ESRRG: variants seen among roughly 807,000 people sequenced by gnomAD.
ESRRG encodes the protein estrogen related receptor gamma, also known as estrogen-related receptor gamma.
Under a neutral mutation model 44.0 loss-of-function variants are expected in ESRRG, and 13 were observed. The observed-to-expected ratio is 0.30, with a 90% CI of 0.19 to 0.47. The LOEUF (loss-of-function observed/expected upper bound fraction) is 0.47. Among genes scored for constraint, ESRRG ranks in the 20% least tolerant of loss-of-function variants. The pLI, the probability that ESRRG is intolerant of heterozygous loss-of-function variation, is 1.00. For synonymous variants in ESRRG, 215 were observed against 214.6 expected (o/e 1.00, Z -0.02); for missense variants, 395 against 580.6 (o/e 0.68, Z 3.29).
intron 5 of ESRRG, among the ~76,000 whole-genome samples, chr1:216,522,255 CTTTTTTTTTTTTTTTT>C (rs71161437): frequency 3.4e-5 from 1 of 29,262 alleles, no homozygotes. Flanking sequence ...AACAGCTCTC[CTTTTTTTTTTTTTTTT>C]TTTTTTTTTT....
intron 2 of ESRRG, among the ~76,000 whole-genome samples, chr1:216,735,885 C>T (rs113095333): frequency 0.081 from 12,103 of 149,820 alleles, 670 homozygotes; most frequent in African/African-American, 0.15. Flanking sequence ...AGGCTGAGGC[C>T]GAGAATTGCT....
intron 2 of ESRRG, among the ~76,000 whole-genome samples, chr1:216,915,194 C>T (rs2060992113): frequency 6.6e-6 from 1 of 152,138 alleles, no homozygotes; most frequent in Non-Finnish European, 1.5e-5. Flanking sequence ...TCTGTGGTTA[C>T]TAGTTACCCA....
chr1:216,576,810 C>G (rs995436169), intron 3 of ESRRG, among the ~76,000 whole-genome samples: 3 of 152,078 alleles, frequency 2.0e-5, no homozygotes, highest in Admixed American at 6.6e-5. Context: ...ATGACACATA[C>G]AAGTACAAAT....
intron 2 of ESRRG, among the ~76,000 whole-genome samples, chr1:216,928,718 C>A (rs986727353): frequency 6.6e-6 from 1 of 152,026 alleles, no homozygotes; most frequent in African/African-American, 2.4e-5. Context: ...TATTAATCAA[C>A]AAACAAATGG....
chr1:216,591,940 G>A (rs116824349), intron 3 of ESRRG, among the ~76,000 whole-genome samples: 13 of 152,322 alleles, frequency 8.5e-5, no homozygotes, highest in Non-Finnish European at 1.5e-4. Context: ...GGGGGAAAGA[G>A]CAACTTTATA....
intron 6 of ESRRG, among the ~76,000 whole-genome samples, chr1:216,512,995 G>C (rs2043160499): frequency 6.6e-6 from 1 of 152,178 alleles, no homozygotes; most frequent in Admixed American, 6.5e-5. Context: ...TTCTTCCCTA[G>C]AGTCTCCAGA....
At chr1:216,754,013 C>T (rs571697614) in intron 2 of ESRRG, among the ~76,000 whole-genome samples, 2 of 152,032 alleles carry the variant, frequency 1.3e-5, no homozygotes, top group African/African-American at 4.8e-5. Context: ...TTTGGTTATC[C>T]TACCATTGCT....
intron 3 of ESRRG, among the ~76,000 whole-genome samples, chr1:216,588,512 A>G (rs1044174663): frequency 2.6e-5 from 4 of 152,192 alleles, no homozygotes; most frequent in Admixed American, 2.0e-4. Flanking sequence ...CAGCATTTCA[A>G]AGACTTTGGA....
intron 2 of ESRRG, among the ~76,000 whole-genome samples, chr1:216,752,814 T>G (rs1290956951): frequency 6.6e-6 from 1 of 152,122 alleles, no homozygotes; most frequent in Non-Finnish European, 1.5e-5. Flanking sequence ...TAGTTAACTT[T>G]ACTGTACTTC....
chr1:216,844,820 C>CCA (rs140528031), intron 2 of ESRRG, among the ~76,000 whole-genome samples: 3 of 151,648 alleles, frequency 2.0e-5, no homozygotes, highest in Non-Finnish European at 4.4e-5. Context: ...AATATATGCA[C>CCA]CACACACACA....
intron 5 of ESRRG, among the ~76,000 whole-genome samples, chr1:216,549,872 T>C (rs1331340223): frequency 1.3e-5 from 2 of 152,148 alleles, no homozygotes; most frequent in Non-Finnish European, 2.9e-5. Flanking sequence ...TTTACACTTG[T>C]AAGTTCATTT....
At chr1:216,577,562 G>T (rs774815968) in intron 3 of ESRRG, among the ~76,000 whole-genome samples, 9 of 151,870 alleles carry the variant, frequency 5.9e-5, no homozygotes, top group African/African-American at 1.2e-4. Context: ...GCACCCCATG[G>T]GGATGCTCTG....
chr1:216,884,515 G>A (rs1242144756), intron 2 of ESRRG, among the ~76,000 whole-genome samples: 2 of 152,162 alleles, frequency 1.3e-5, no homozygotes, highest in Admixed American at 6.5e-5. Flanking sequence ...GTGGGTTCAA[G>A]GTTTAGAATA....
intron 1 of ESRRG, among the ~76,000 whole-genome samples, chr1:217,065,945 T>A (rs148016560): frequency 9.1e-4 from 139 of 152,300 alleles, no homozygotes; most frequent in African/African-American, 3.2e-3. Context: ...CCTTACATTT[T>A]CTATCAGGAG....
chr1:216,845,869 T>C (rs2095737751), intron 2 of ESRRG, among the ~76,000 whole-genome samples: 1 of 152,064 alleles, frequency 6.6e-6, no homozygotes, highest in Non-Finnish European at 1.5e-5. Context: ...GGAAGAGTGA[T>C]ACACCCTCCA....
chr1:216,883,722 G>C (rs1050431611), intron 2 of ESRRG, among the ~76,000 whole-genome samples: 1 of 152,114 alleles, frequency 6.6e-6, no homozygotes, highest in Non-Finnish European at 1.5e-5. Context: ...ACCCCCTAAT[G>C]GTAGCACCAC....
intron 2 of ESRRG, among the ~76,000 whole-genome samples, chr1:216,663,734 C>T (rs1007609067): frequency 2.6e-5 from 4 of 152,190 alleles, no homozygotes; most frequent in Non-Finnish European, 4.4e-5. Flanking sequence ...AAAGTTTATG[C>T]AAATGGACAA....
chr1:216,930,330 C>A (rs944466922), intron 2 of ESRRG, among the ~76,000 whole-genome samples: 1 of 152,156 alleles, frequency 6.6e-6, no homozygotes, highest in African/African-American at 2.4e-5. Context: ...ACTTTGCCCT[C>A]CCCCATGAAT....
Position 216,764,549 on chromosome 1 carries a change from A to G in ESRRG, c.-13-87058T>C, listed in dbSNP as rs139585336. Among the ~76,000 whole-genome samples the G allele has an allele frequency of 4.2e-3, 637 of 151,130 alleles. 6 individuals are homozygous for G. Among genetic ancestry groups the G allele is most frequent in the African/African-American group, 0.015 (610 of 41,266 alleles). On this transcript the variant is annotated intron_variant, in intron 2 of 7. Transcript: ENST00000359162. ...CTCCCAAAGTGCTGGGATTACAGGCATGAGACACCATGCCCGGCCCAGGGG... is the reference window on the plus strand; with the variant it reads ...CTCCCAAAGTGCTGGGATTACAGGCGTGAGACACCATGCCCGGCCCAGGGG...
Sources: allele counts gnomAD v4.1 joint callset (sites outside exome capture counted in the v4.1 genomes callset), GRCh38; gene constraint gnomAD v4.1.1; transcripts MANE v1.5; gene names NCBI Gene and HGNC (gene_info 2026-07-23, HGNC 2026-07-21).